RIPOR2: variants seen among roughly 807,000 people sequenced by gnomAD.
RIPOR2 encodes the protein RHO family interacting cell polarization regulator 2.
RIPOR2 carries 39 observed loss-of-function variants against 114.5 expected under a neutral mutation model. The observed-to-expected ratio is 0.34, with a 90% CI of 0.26 to 0.44. The LOEUF (loss-of-function observed/expected upper bound fraction) is 0.44. Among genes scored for constraint, RIPOR2 ranks in the 20% least tolerant of loss-of-function variants. The probability of loss-of-function intolerance (pLI) is 1.00; values close to 1 mark genes in which losing one functional copy is unlikely to be tolerated. For missense variants in RIPOR2, 1,007 were observed against 1,255.1 expected, an observed-to-expected ratio of 0.80 and a Z score of 2.99; for synonymous variants, 445 against 484.4, an observed-to-expected ratio of 0.92 and a Z score of 1.07.
At chr6:24,856,144 T>TA (rs5875010) in intron 8 of RIPOR2, among the ~76,000 whole-genome samples, 34,855 of 151,742 alleles carry the variant, frequency 0.23, 4,273 homozygotes, top group African/African-American at 0.32. Flanking sequence ...CCCGGATGCT[T>TA]AAAAAAGAAG....
intron 1 of RIPOR2, among the ~76,000 whole-genome samples, chr6:24,897,676 A>G (rs1768021566): frequency 6.6e-6 from 1 of 152,184 alleles, no homozygotes. Context: ...CTCCGAGGCA[A>G]TTTCATGCCA....
At chr6:24,906,006 G>C (rs1424965825) in intron 1 of RIPOR2, among the ~76,000 whole-genome samples, 1 of 152,122 alleles carries the variant, frequency 6.6e-6, no homozygotes, top group African/African-American at 2.4e-5. Flanking sequence ...AAAGTGAAGA[G>C]GCAAATACAA....
intron 1 of RIPOR2, among the ~76,000 whole-genome samples, chr6:25,025,977 T>C (rs886251136): frequency 1.3e-5 from 2 of 152,188 alleles, no homozygotes; most frequent in African/African-American, 4.8e-5. Flanking sequence ...CAAAACCAAA[T>C]TGTACGTGTA....
intron 1 of RIPOR2, among the ~76,000 whole-genome samples, chr6:24,968,869 A>T (rs1462794427): frequency 6.6e-6 from 1 of 152,060 alleles, no homozygotes. Context: ...GTCAATAGAA[A>T]CCCTGCGTGA....
intron 1 of RIPOR2, among the ~76,000 whole-genome samples, chr6:24,952,984 A>G (rs1417935425): frequency 6.6e-6 from 1 of 152,190 alleles, no homozygotes; most frequent in Non-Finnish European, 1.5e-5. Context: ...CCCGAATTTC[A>G]TATATAGAAG....
In RIPOR2 at chr6:24,835,694, T is replaced by C. The variant is rs1232507265; in HGVS notation, c.2208+9A>G. ...GGCATCTCAAACACAAATTCATCGC[T>C]GATCCTACCTGCACGAGTTGGGTGC... On this transcript the variant is annotated intron_variant, in intron 15 of 21. Coordinates refer to ENST00000643898, the MANE Select transcript of RIPOR2 (RefSeq NM_001286445.3). 6.4e-7 allele frequency: 1 copy of C among 1,550,670 alleles called. No individual in the cohort carries two copies. The highest frequency in any genetic ancestry group is 1.2e-5 in the South Asian group (1 of 84,046).
intron 1 of RIPOR2, among the ~76,000 whole-genome samples, chr6:24,979,718 T>C (rs763618962): frequency 6.6e-6 from 1 of 152,122 alleles, no homozygotes; most frequent in Non-Finnish European, 1.5e-5. Context: ...ATTTGGAAAA[T>C]TCAAGGCTAG....
intron 1 of RIPOR2, among the ~76,000 whole-genome samples, chr6:24,953,282 G>A (rs572982797): frequency 4.0e-4 from 61 of 152,238 alleles, no homozygotes; most frequent in African/African-American, 1.4e-3. Context: ...GCGGTGAGCC[G>A]ATATTGTGCC....
At chr6:25,023,570 T>C (rs116156936) in intron 1 of RIPOR2, 9,096 of 771,090 alleles carry the variant, frequency 0.012, 227 homozygotes, top group African/African-American at 0.056. Context: ...TTGTTTGATT[T>C]TGCACACCTC....
intron 5 of RIPOR2, 135 bp downstream of exon 5, chr6:24,870,731 C>T: frequency 3.3e-6 from 2 of 605,016 alleles, no homozygotes; most frequent in South Asian, 2.1e-5. Flanking sequence ...CCAGGCAGGT[C>T]TCAAACTCCT....
chr6:24,836,150 T>C (rs773959044), intron 14 of RIPOR2: 110 of 391,654 alleles, frequency 2.8e-4, no homozygotes, highest in Non-Finnish European at 4.5e-4. Context: ...CAGAAGTCTT[T>C]GAAACATGCC....
intron 1 of RIPOR2, among the ~76,000 whole-genome samples, chr6:24,924,952 A>G (rs185238660): frequency 1.8e-4 from 28 of 152,384 alleles, no homozygotes; most frequent in African/African-American, 6.7e-4. Context: ...TGTTATTGAC[A>G]AAATTCAAAA....
At chr6:24,962,072 A>G (rs1404963829) in intron 1 of RIPOR2, among the ~76,000 whole-genome samples, 2 of 152,178 alleles carry the variant, frequency 1.3e-5, no homozygotes, top group Non-Finnish European at 2.9e-5. Flanking sequence ...ATGCATACTC[A>G]GGCAGTCTGG....
At chr6:24,982,014 C>T (rs1333042719) in intron 1 of RIPOR2, among the ~76,000 whole-genome samples, 7 of 152,164 alleles carry the variant, frequency 4.6e-5, no homozygotes. Flanking sequence ...CAACTTTTTG[C>T]CTTATGAGGA....
At chr6:25,039,825 T>A (rs1218254392) in intron 1 of RIPOR2, among the ~76,000 whole-genome samples, 1 of 152,196 alleles carries the variant, frequency 6.6e-6, no homozygotes, top group Non-Finnish European at 1.5e-5. Flanking sequence ...AAAAGAAACA[T>A]GATCAAGAAG....
chr6:24,887,796 A>G (rs1018264075), intron 1 of RIPOR2, among the ~76,000 whole-genome samples: 1 of 152,232 alleles, frequency 6.6e-6, no homozygotes, highest in Non-Finnish European at 1.5e-5. Context: ...GCCCTGGGGA[A>G]AAATGAAAAC....
At chr6:24,929,571 C>G (rs764449204) in intron 1 of RIPOR2, 1 of 152,228 alleles carries the variant, frequency 6.6e-6, no homozygotes, top group Non-Finnish European at 1.5e-5. Context: ...TGCTCTCCAA[C>G]TTTTCTCTGT....
chr6:25,034,468 T>C (rs1335112127), intron 1 of RIPOR2, among the ~76,000 whole-genome samples: 2 of 152,176 alleles, frequency 1.3e-5, no homozygotes, highest in Non-Finnish European at 2.9e-5. Context: ...ATGCTTTGCA[T>C]TCCCTAAGAT....
intron 1 of RIPOR2, among the ~76,000 whole-genome samples, chr6:24,947,609 T>C (rs1387538025): frequency 6.6e-6 from 1 of 152,058 alleles, no homozygotes; most frequent in South Asian, 2.1e-4. Flanking sequence ...AGAAAGAAGA[T>C]GGTGCAATTC....
Sources: allele counts gnomAD v4.1 joint callset (sites outside exome capture counted in the v4.1 genomes callset), GRCh38; gene constraint gnomAD v4.1.1; transcripts MANE v1.5; gene names NCBI Gene and HGNC (gene_info 2026-07-23, HGNC 2026-07-21).